The following KCNK9 variants were observed in gnomAD, a reference collection of about 807,000 sequenced individuals.
KCNK9 encodes potassium channel subfamily K member 9.
A neutral mutation model predicts 10.8 loss-of-function variants in KCNK9; 1 was observed. That is an observed-to-expected ratio of 0.09 (90% CI 0.03 to 0.44). KCNK9 has a LOEUF of 0.44. Among genes scored for constraint, KCNK9 ranks in the 20% least tolerant of loss-of-function variants. The probability of loss-of-function intolerance (pLI) is 0.97; values close to 1 mark genes in which losing one functional copy is unlikely to be tolerated. For missense variants in KCNK9, 303 were observed against 515.0 expected, an observed-to-expected ratio of 0.59 and a Z score of 3.98; for synonymous variants, 231 against 222.7, an observed-to-expected ratio of 1.04 and a Z score of -0.33.
chr8:139,643,169 C>A (rs924159850), intron 1 of KCNK9, among the ~76,000 whole-genome samples: 1 of 152,194 alleles, frequency 6.6e-6, no homozygotes, highest in African/African-American at 2.4e-5. Context: ...ATTCCCATCA[C>A]TGCCCCACAA....
Position 139,618,859 on chromosome 8 carries a change from G to A in KCNK9, c.524C>T (p.Ala175Val). Residue 175 changes from alanine to valine, a missense_variant, in exon 2 of 2, where the codon GCG (alanine) becomes GTG (valine). Ala to Val is a moderately conservative substitution (Grantham distance 64). Around this residue, in one of 5 missense-constraint regions of KCNK9, gnomAD observed 53 missense variants for 134.9 expected, o/e 0.39. Coordinates refer to ENST00000520439, the MANE Select transcript of KCNK9 (RefSeq NM_001282534.2). The surrounding 1 kb of genome is among the most constrained non-coding windows in gnomAD (Gnocchi z 7.9). ...FSCMGTLCIG[A>V]AAFSQCEEWS... ...CTCCTCACACTGGGAGAAGGCGGCC[G>A]CCCCGATGCACAGCGTCCCCATGCA... 1.2e-6 allele frequency: 2 copies of A among 1,614,204 alleles called. No homozygotes were observed. The highest frequency in any genetic ancestry group is 8.5e-7 in the Non-Finnish European group (1 of 1,180,052).
chr8:139,700,434 A>G (rs1396352058), intron 1 of KCNK9, among the ~76,000 whole-genome samples: 1 of 152,026 alleles, frequency 6.6e-6, no homozygotes, highest in East Asian at 1.9e-4. Flanking sequence ...ACATCTTTCC[A>G]CAACAGGACA....
rs768233831 is a variant in KCNK9 at position 139,618,493 on chromosome 8, C to T, written c.890G>A (p.Cys297Tyr). The T allele has an allele frequency of 6.2e-7, 1 of 1,613,812 alleles. No homozygotes were observed. The highest frequency in any genetic ancestry group is 8.5e-7 in the Non-Finnish European group (1 of 1,180,018). Residue 297 changes from cysteine to tyrosine, a missense_variant, in exon 2 of 2, where the codon TGC becomes TAC. Cys to Tyr is a radical substitution (Grantham distance 194, BLOSUM62 -2). Transcript: ENST00000520439. The surrounding 1 kb of genome is among the most constrained non-coding windows in gnomAD (Gnocchi z 7.9). ...KADVPDLQSV[C>Y]SCTCYRSQDY... ...CTGCGAGCGGTAGCAGGTGCAGGAG[C>T]ACACAGACTGCAGGTCCGGGACGTC... is the stretch of plus-strand genomic sequence containing the variant.
chr8:139,644,193 G>A (rs976015907), intron 1 of KCNK9, among the ~76,000 whole-genome samples: 6 of 152,182 alleles, frequency 3.9e-5, no homozygotes, highest in South Asian at 2.1e-4. Context: ...ACCAGTGTCC[G>A]CAGCTTGTAG....
chr8:139,689,037 G>T (rs2129788419), intron 1 of KCNK9, among the ~76,000 whole-genome samples: 1 of 152,256 alleles, frequency 6.6e-6, no homozygotes, highest in South Asian at 2.1e-4. Context: ...TCTAACTGGT[G>T]TCCTTATAAG....
At chr8:139,638,819 CAT>C (rs1449154596) in intron 1 of KCNK9, among the ~76,000 whole-genome samples, 2 of 152,338 alleles carry the variant, frequency 1.3e-5, no homozygotes, top group East Asian at 1.9e-4. Context: ...GGCCCAAACA[CAT>C]GATACATAGA....
At chr8:139,637,201 G>A (rs1815363901) in intron 1 of KCNK9, among the ~76,000 whole-genome samples, 1 of 152,200 alleles carries the variant, frequency 6.6e-6, no homozygotes, top group African/African-American at 2.4e-5. Flanking sequence ...AAGCAGGAAG[G>A]GAAGGTGAAG....
intron 1 of KCNK9, among the ~76,000 whole-genome samples, chr8:139,671,529 T>C (rs113179542): frequency 0.018 from 2,408 of 134,544 alleles, 59 homozygotes; most frequent in African/African-American, 0.061. Context: ...TTTTTTTTTT[T>C]AGATGGAGTC....
intron 1 of KCNK9, among the ~76,000 whole-genome samples, chr8:139,662,660 C>A (rs1816187122): frequency 6.6e-6 from 1 of 151,992 alleles, no homozygotes; most frequent in African/African-American, 2.4e-5. Context: ...CTGCTCCTGG[C>A]CTTGAGGGAG....
intron 1 of KCNK9, among the ~76,000 whole-genome samples, chr8:139,691,028 G>A (rs997281652): frequency 6.6e-6 from 1 of 152,150 alleles, no homozygotes; most frequent in African/African-American, 2.4e-5. Context: ...TGCTACCACT[G>A]CCTGACCCAC....
intron 1 of KCNK9, among the ~76,000 whole-genome samples, chr8:139,697,010 C>T (rs1030409799): frequency 7.6e-5 from 10 of 131,874 alleles, no homozygotes; most frequent in East Asian, 2.4e-4. Flanking sequence ...GATGGGTGGA[C>T]GGATGGATGG....
intron 1 of KCNK9, among the ~76,000 whole-genome samples, chr8:139,623,274 T>C (rs899533787): frequency 6.6e-6 from 1 of 152,168 alleles, no homozygotes; most frequent in Non-Finnish European, 1.5e-5. Flanking sequence ...ACCATTTTTT[T>C]CCCATCTGCA....
rs200260086 is a variant in KCNK9, at chr8:139,618,450, C to T, written c.933G>A (p.Ser311=). 9 of 1,613,926 alleles carry T rather than the reference C, an allele frequency of 5.6e-6. No individual in the cohort carries two copies. Among genetic ancestry groups the T allele is most frequent in the East Asian group, 4.5e-5 (2 of 44,862 alleles). The change falls in exon 2 of 2, where the codon TCG becomes TCA. Residue 311 remains serine (S), a synonymous_variant. Coordinates refer to ENST00000520439, the MANE Select transcript of KCNK9 (RefSeq NM_001282534.2). The surrounding 1 kb of genome is among the most constrained non-coding windows in gnomAD (Gnocchi z 7.9). The part of the protein sequence containing the change: ...CYRSQDYGGR[S]VAPQNSFSAK... ...CGCTGAAGGAGTTCTGCGGTGCCAC[C>T]GAGCGGCCGCCATAGTCCTGCGAGC...
At chr8:139,649,706 C>T (rs1815800089) in intron 1 of KCNK9, among the ~76,000 whole-genome samples, 1 of 152,240 alleles carries the variant, frequency 6.6e-6, no homozygotes, top group African/African-American at 2.4e-5. Context: ...GCCTGGCTTC[C>T]CATCCCAGCC....
At chr8:139,606,380 G>A (rs1372473146) in intron 2 of KCNK9, among the ~76,000 whole-genome samples, 1 of 152,034 alleles carries the variant, frequency 6.6e-6, no homozygotes, top group Non-Finnish European at 1.5e-5. Context: ...GGCTGGAGAG[G>A]AGGAACACAA....
At chr8:139,603,645 A>G (rs919384949) in intron 2 of KCNK9, among the ~76,000 whole-genome samples, 6 of 152,180 alleles carry the variant, frequency 3.9e-5, no homozygotes, top group Non-Finnish European at 8.8e-5. Context: ...TGCTTTCAGA[A>G]TGTGGTTTAC....
intron 1 of KCNK9, among the ~76,000 whole-genome samples, chr8:139,631,516 C>T (rs1563725103): frequency 6.6e-6 from 1 of 152,178 alleles, no homozygotes; most frequent in Non-Finnish European, 1.5e-5. Flanking sequence ...GGCTGGGCGC[C>T]CACACCTGGT....
At chr8:139,601,892 T>A (rs1462621386) in intron 2 of KCNK9, 2 of 152,148 alleles carry the variant, frequency 1.3e-5, no homozygotes, top group African/African-American at 2.4e-5. Flanking sequence ...AGGAACGGTG[T>A]CCCCAGGAAC....
chr8:139,644,723 C>CT (rs373634103), intron 1 of KCNK9, among the ~76,000 whole-genome samples: 2 of 150,262 alleles, frequency 1.3e-5, no homozygotes, highest in African/African-American at 4.9e-5. Context: ...TGTCCCCCCC[C>CT]CCCAGAGCCT....
Sources: gnomAD v4.1 joint callset for allele counts (sites outside exome capture counted in the v4.1 genomes callset) on GRCh38, gnomAD v4.1.1 for gene constraint, gnomAD v4.1.1 regional missense constraint, Gnocchi (gnomAD v3.1) non-coding constraint, MANE v1.5 for transcripts, NCBI Gene and HGNC (gene_info 2026-07-23, HGNC 2026-07-21) for gene names.